PARD3B: variants seen among roughly 807,000 people sequenced by gnomAD.
The protein encoded by PARD3B is par-3 family cell polarity regulator beta, also known as partitioning defective 3 homolog B.
In PARD3B, 103 loss-of-function variants were observed where a neutral mutation model predicts 130.2. The observed-to-expected ratio is 0.79, with a 90% CI of 0.67 to 0.93. PARD3B has a LOEUF of 0.93. Among genes scored for constraint, PARD3B ranks in the 40% least tolerant of loss-of-function variants. PARD3B has a pLI of 0.00. For synonymous variants in PARD3B, 583 were observed against 553.2 expected, an observed-to-expected ratio of 1.05 and a Z score of -0.76; for missense variants, 1,609 against 1,499.2, an observed-to-expected ratio of 1.07 and a Z score of -1.21.
chr2:205,415,977 T>C (rs1041283627), intron 19 of PARD3B, among the ~76,000 whole-genome samples: 1 of 152,182 alleles, frequency 6.6e-6, no homozygotes, highest in Non-Finnish European at 1.5e-5. Flanking sequence ...TAGACATGTT[T>C]ATGATTCTAT....
chr2:205,505,254 T>G (rs1341784589), intron 21 of PARD3B, among the ~76,000 whole-genome samples: 125 of 127,450 alleles, frequency 9.8e-4, no homozygotes, highest in African/African-American at 1.8e-3. Flanking sequence ...GTGGGGGGAG[T>G]GGGGAGGGAT....
Position 205,331,939 on chromosome 2 carries a change from A to T in PARD3B, c.2630+30238A>T, listed in dbSNP as rs1377424794. Among the ~76,000 whole-genome samples the T allele has an allele frequency of 2.0e-5, 3 of 151,898 alleles. No individual in the cohort carries two copies. The East Asian group carries it at 5.8e-4, about 29-fold the overall frequency. Reference sequence around the variant, plus strand: ...CGGCCAACTGTGAAACCCCATCTCAACTAAAAATACAAAAAATTAGCCTGG... The same window carrying T: ...CGGCCAACTGTGAAACCCCATCTCATCTAAAAATACAAAAAATTAGCCTGG... On this transcript the variant is annotated intron_variant, in intron 18 of 22. Coordinates refer to ENST00000406610, the MANE Select transcript of PARD3B (RefSeq NM_001302769.2).
rs180723046 is a variant in PARD3B, at chr2:205,445,432, C to T, written c.3044+4760C>T. On this transcript the variant is annotated intron_variant, in intron 20 of 22. Coordinates refer to ENST00000406610, the MANE Select transcript of PARD3B (RefSeq NM_001302769.2). ...GGCATCAGCTCAGCTTCTCAGGAGG[C>T]ATCCACAAACTTTCAATCGTGGCAG... Among the ~76,000 whole-genome samples the T allele has an allele frequency of 9.2e-5, 14 of 152,282 alleles. 1 individual carries two copies. In the East Asian group the frequency reaches 1.9e-3, roughly 21 times the overall value.
intron 21 of PARD3B, among the ~76,000 whole-genome samples, chr2:205,545,144 G>A (rs528410314): frequency 2.6e-5 from 4 of 152,272 alleles, no homozygotes; most frequent in South Asian, 2.1e-4. Context: ...TTGTAAATAC[G>A]TAGCTCAGGC....
At position 204,610,227 on chromosome 2, in the gene PARD3B, T is replaced by C. The variant is rs1299550011; in HGVS notation, c.120+64108T>C. 6.6e-6 allele frequency among the ~76,000 whole-genome samples: 1 copy of C among 152,076 alleles called. No homozygotes were observed. Among genetic ancestry groups the C allele is most frequent in the East Asian group, 1.9e-4 (1 of 5,170 alleles). On this transcript the variant is annotated intron_variant, in intron 1 of 22. Transcript: ENST00000406610. This position sits in a 1 kb window ranked among gnomAD's most constrained non-coding sequence, Gnocchi z 4.1. ...CCATGAGGGACATCCATTCAGACAG[T>C]TGGGGGGCTTAGGATTTCATTTTTG...
intron 10 of PARD3B, among the ~76,000 whole-genome samples, chr2:205,139,670 T>G (rs2032784773): frequency 6.6e-6 from 1 of 152,078 alleles, no homozygotes; most frequent in Admixed American, 6.6e-5. Flanking sequence ...CTCTATATCA[T>G]AAAGAGATAG....
chr2:205,104,156 C>A (rs1559440813), intron 4 of PARD3B, among the ~76,000 whole-genome samples: 1 of 152,198 alleles, frequency 6.6e-6, no homozygotes, highest in African/African-American at 2.4e-5. Flanking sequence ...AAGCCTATGG[C>A]TGAGTAGCAA....
chr2:205,548,325 G>A (rs527460880), intron 21 of PARD3B, among the ~76,000 whole-genome samples: 117 of 152,142 alleles, frequency 7.7e-4, no homozygotes, highest in African/African-American at 2.7e-3. Context: ...TATACTCAAC[G>A]ATCAGACATC....
chr2:205,544,947 A>ATC (rs1190615502), intron 21 of PARD3B, among the ~76,000 whole-genome samples: 1 of 152,242 alleles, frequency 6.6e-6, no homozygotes, highest in African/African-American at 2.4e-5. Context: ...TAAAAGACTT[A>ATC]TCCAAGAGTT....
chr2:205,262,768 C>T (rs890017922), intron 16 of PARD3B, among the ~76,000 whole-genome samples: 1 of 152,044 alleles, frequency 6.6e-6, no homozygotes, highest in East Asian at 1.9e-4. Flanking sequence ...TTTTTGGGAA[C>T]TTACATGTCA....
intron 2 of PARD3B, among the ~76,000 whole-genome samples, chr2:204,892,491 G>A (rs1378827936): frequency 6.6e-6 from 1 of 152,176 alleles, no homozygotes; most frequent in Non-Finnish European, 1.5e-5. Context: ...TTGTGATGTG[G>A]CTACCTTGAA....
At chr2:204,885,048 C>T (rs559607872) in intron 2 of PARD3B, among the ~76,000 whole-genome samples, 5 of 152,278 alleles carry the variant, frequency 3.3e-5, no homozygotes, top group East Asian at 1.9e-4. Flanking sequence ...TTTGAAGAAT[C>T]GCCACACTGT....
In PARD3B at chr2:205,563,763, A is replaced by G. The variant is rs1365346310; in HGVS notation, c.3260+10360A>G. Among the ~76,000 whole-genome samples the G allele has an allele frequency of 2.0e-5, 3 of 152,202 alleles. No individual in the cohort carries two copies. The highest frequency in any genetic ancestry group is 4.4e-5 in the Non-Finnish European group (3 of 68,032). On this transcript the variant is annotated intron_variant, in intron 22 of 22. Coordinates refer to ENST00000406610, the MANE Select transcript of PARD3B (RefSeq NM_001302769.2). The surrounding 1 kb of genome is among the most constrained non-coding windows in gnomAD (Gnocchi z 4.2). The stretch of plus-strand genomic sequence containing the variant: ...TCTTTTATCACTGTAAGTTTTCCCA[A>G]AGTAGAAACAAGATACCTGCCTTTT...
chr2:204,904,656 A>G (rs1028709936), intron 2 of PARD3B, among the ~76,000 whole-genome samples: 3 of 150,522 alleles, frequency 2.0e-5, no homozygotes, highest in African/African-American at 2.5e-5. Context: ...AGTTATGGCA[A>G]TGCCTTTAAT....
chr2:205,486,990 T>G (rs1234978602), intron 20 of PARD3B, among the ~76,000 whole-genome samples: 1 of 152,252 alleles, frequency 6.6e-6, no homozygotes, highest in East Asian at 1.9e-4. Context: ...TAGACCTAAT[T>G]GCTTTATGCT....
chr2:205,364,622 C>T (rs145503905), intron 18 of PARD3B, among the ~76,000 whole-genome samples: 13 of 152,118 alleles, frequency 8.5e-5, no homozygotes, highest in African/African-American at 2.7e-4. Context: ...TATCGTATTA[C>T]AAGGCAGGGT....
intron 2 of PARD3B, among the ~76,000 whole-genome samples, chr2:204,724,548 C>T (rs1475581445): frequency 1.3e-5 from 2 of 152,094 alleles, no homozygotes; most frequent in African/African-American, 4.8e-5. Context: ...CCTCGGTCAT[C>T]AGTGGGTAGT....
At chr2:205,415,721 A>C (rs1204459809) in intron 19 of PARD3B, among the ~76,000 whole-genome samples, 1 of 152,100 alleles carries the variant, frequency 6.6e-6, no homozygotes, top group Non-Finnish European at 1.5e-5. Flanking sequence ...ACTGTGCCTC[A>C]ATTCAAAGAA....
chr2:205,582,181 G>A (rs142532947), intron 22 of PARD3B, among the ~76,000 whole-genome samples: 2 of 152,110 alleles, frequency 1.3e-5, no homozygotes, highest in East Asian at 1.9e-4. Context: ...GTGAAGTACC[G>A]TCCATGTGAA....
Sources: gnomAD v4.1 joint callset for allele counts (sites outside exome capture counted in the v4.1 genomes callset) on GRCh38, gnomAD v4.1.1 for gene constraint, Gnocchi (gnomAD v3.1) non-coding constraint, MANE v1.5 for transcripts, NCBI Gene and HGNC (gene_info 2026-07-23, HGNC 2026-07-21) for gene names.